PKNOX2: variants seen among roughly 807,000 people sequenced by gnomAD.
PKNOX2 encodes homeobox protein PKNOX2.
In PKNOX2, 14 loss-of-function variants were observed where a neutral mutation model predicts 53.1. The observed-to-expected ratio is 0.26, with a 90% confidence interval of 0.17 to 0.41. PKNOX2 has a LOEUF of 0.41. Ranked by LOEUF, PKNOX2 falls within the 10% of genes least tolerant of loss-of-function variation. PKNOX2 has a pLI of 1.00. For missense variants in PKNOX2, 496 were observed against 602.8 expected, an observed-to-expected ratio of 0.82 and a Z score of 1.85; for synonymous variants, 257 against 242.8, an observed-to-expected ratio of 1.06 and a Z score of -0.54.
At chr11:125,392,716 T>C (rs1489951978) in intron 6 of PKNOX2, among the ~76,000 whole-genome samples, 1 of 152,088 alleles carries the variant, frequency 6.6e-6, no homozygotes, top group Non-Finnish European at 1.5e-5. Flanking sequence ...AATAAATGAA[T>C]AGGTAAGTGC....
chr11:125,219,438 C>CAA lies in PKNOX2; in HGVS notation c.-200-15593_-200-15592dup, dbSNP rs57107061. Among the ~76,000 whole-genome samples the CAA allele has an allele frequency of 9.1e-4, 119 of 130,538 alleles. 1 individual carries two copies. The highest frequency in any genetic ancestry group is 3.0e-3 in the African/African-American group (110 of 36,504). 85.6% of individuals were successfully genotyped at this position (130,538 alleles called of 152,430 possible). ...GGGCAACAAGAGTGAAACTCTATCT[C>CAA]AAAAAAAAAAAAAAATTATAAACAA... On this transcript the variant is annotated intron_variant, in intron 1 of 12. Coordinates refer to ENST00000298282, the MANE Select transcript of PKNOX2 (RefSeq NM_001382323.2).
intron 2 of PKNOX2, among the ~76,000 whole-genome samples, chr11:125,262,339 G>A (rs1310552042): frequency 6.6e-6 from 1 of 152,168 alleles, no homozygotes; most frequent in Non-Finnish European, 1.5e-5. Context: ...TTGTGTTCTG[G>A]CAGCCACGCG....
intron 4 of PKNOX2, among the ~76,000 whole-genome samples, chr11:125,354,929 ACT>A (rs1951522117): frequency 1.3e-5 from 2 of 152,104 alleles, no homozygotes; most frequent in Non-Finnish European, 2.9e-5. Flanking sequence ...AGGCCGCCAC[ACT>A]CTCTGTTGAT....
At chr11:125,290,666 A>T (rs533239644) in intron 2 of PKNOX2, among the ~76,000 whole-genome samples, 10 of 152,348 alleles carry the variant, frequency 6.6e-5, no homozygotes, top group African/African-American at 2.2e-4. Context: ...TCATACATTC[A>T]TTCAACAAAC....
intron 3 of PKNOX2, among the ~76,000 whole-genome samples, chr11:125,343,139 G>A (rs529311996): frequency 5.9e-5 from 9 of 152,282 alleles, no homozygotes; most frequent in Admixed American, 4.6e-4. Context: ...AATAGGGGGA[G>A]GGGCTCCTGG....
At chr11:125,171,044 GC>G (rs1565460592) in intron 1 of PKNOX2, among the ~76,000 whole-genome samples, 3 of 152,272 alleles carry the variant, frequency 2.0e-5, no homozygotes, top group African/African-American at 7.2e-5. Context: ...AGGTCACAGG[GC>G]ACTGAGGCTT....
At chr11:125,226,339 A>G (rs1357874381) in intron 1 of PKNOX2, among the ~76,000 whole-genome samples, 1 of 152,150 alleles carries the variant, frequency 6.6e-6, no homozygotes, top group Non-Finnish European at 1.5e-5. Flanking sequence ...AATCTTGGTA[A>G]AATCTGTAAA....
chr11:125,200,576 C>T (rs2135399544), intron 1 of PKNOX2, among the ~76,000 whole-genome samples: 1 of 152,308 alleles, frequency 6.6e-6, no homozygotes, highest in African/African-American at 2.4e-5. Context: ...TGGCTCATTG[C>T]AGTGCCTCCC....
chr11:125,229,693 A>C (rs1016491001), intron 1 of PKNOX2, among the ~76,000 whole-genome samples: 1 of 152,184 alleles, frequency 6.6e-6, no homozygotes, highest in African/African-American at 2.4e-5. Flanking sequence ...TGGGATGGGT[A>C]GAAGAGCAGT....
intron 1 of PKNOX2, among the ~76,000 whole-genome samples, chr11:125,202,830 C>A (rs1186380092): frequency 6.6e-6 from 1 of 151,966 alleles, no homozygotes; most frequent in East Asian, 1.9e-4. Flanking sequence ...TTATTTTTTT[C>A]TTTTTAGAGA....
chr11:125,234,582 T>C (rs183670184), intron 1 of PKNOX2, among the ~76,000 whole-genome samples: 7 of 152,184 alleles, frequency 4.6e-5, no homozygotes, highest in African/African-American at 1.7e-4. Context: ...AGGGTCAGCG[T>C]TGTCGTTTGC....
chr11:125,281,781 C>T (rs1946574018), intron 2 of PKNOX2, among the ~76,000 whole-genome samples: 1 of 152,200 alleles, frequency 6.6e-6, no homozygotes, highest in South Asian at 2.1e-4. Flanking sequence ...GCTCTAATCC[C>T]CTAATACAAT....
rs187867135 is a variant in PKNOX2, at chr11:125,380,364, C to T, written c.228-5187C>T. ...GAATTAGTGCAGAGAGATTTATTTC[C>T]TCCAAATTTTGAACGGCTTAAGAGA... On this transcript the variant is annotated intron_variant, in intron 5 of 12. Coordinates refer to ENST00000298282, the MANE Select transcript of PKNOX2 (RefSeq NM_001382323.2). Among the ~76,000 whole-genome samples, 24 of 152,062 alleles carry T rather than the reference C, an allele frequency of 1.6e-4. 1 individual carries two copies. The highest frequency in any genetic ancestry group is 1.2e-3 in the Admixed American group (19 of 15,288).
intron 2 of PKNOX2, among the ~76,000 whole-genome samples, chr11:125,265,053 C>T (rs1223030564): frequency 1.3e-5 from 2 of 152,060 alleles, no homozygotes; most frequent in African/African-American, 2.4e-5. Context: ...CTCTGGGAGG[C>T]GAAGGCGGGC....
intron 1 of PKNOX2, among the ~76,000 whole-genome samples, chr11:125,207,120 G>C (rs902363731): frequency 4.6e-5 from 7 of 151,882 alleles, no homozygotes; most frequent in Admixed American, 3.9e-4. Flanking sequence ...TCATTCTAGG[G>C]GGGTGGTGGT....
At chr11:125,424,784 A>C (rs1028475734) in intron 10 of PKNOX2, among the ~76,000 whole-genome samples, 1 of 152,222 alleles carries the variant, frequency 6.6e-6, no homozygotes, top group African/African-American at 2.4e-5. Context: ...TGGGCTGTGC[A>C]TGAAAGAAAT....
Position 125,429,981 on chromosome 11 carries a change from G to T in PKNOX2, c.1032G>T (p.Arg344Ser). The stretch of plus-strand genomic sequence containing the variant: ...TGGGCAGGTTCATCAATGCCCGGAG[G>T]CGCATCCTGCAGCCCATGCTTGATG... ...QVNNWFINARRRILQPMLDAS... is the reference protein window; with the variant it reads ...QVNNWFINARSRILQPMLDAS... Residue 344 changes from arginine (R) to serine (S), a missense_variant, in exon 12 of 13, where the codon AGG becomes AGT. Physicochemically the swap from Arg to Ser is moderately radical, Grantham distance 110. Coordinates refer to ENST00000298282, the MANE Select transcript of PKNOX2 (RefSeq NM_001382323.2). 1.2e-6 allele frequency: 2 copies of T among 1,614,048 alleles called. No individual in the cohort carries two copies. Among genetic ancestry groups the T allele is most frequent in the Non-Finnish European group, 8.5e-7 (1 of 1,179,964 alleles).
At chr11:125,427,445 C>T (rs545694708) in intron 10 of PKNOX2, among the ~76,000 whole-genome samples, 17 of 152,290 alleles carry the variant, frequency 1.1e-4, no homozygotes, top group South Asian at 8.3e-4. Flanking sequence ...CCTTTTCCAC[C>T]GATAATGCGA....
intron 2 of PKNOX2, among the ~76,000 whole-genome samples, chr11:125,318,136 T>A (rs1949314830): frequency 6.6e-6 from 1 of 151,992 alleles, no homozygotes; most frequent in South Asian, 2.1e-4. Flanking sequence ...AGACAGAGTC[T>A]TGCTCTGTCA....
Sources: gnomAD v4.1 joint callset for allele counts (sites outside exome capture counted in the v4.1 genomes callset) on GRCh38, gnomAD v4.1.1 for gene constraint, MANE v1.5 for transcripts, NCBI Gene and HGNC (gene_info 2026-07-23, HGNC 2026-07-21) for gene names.